Variants in UTRN observed in about 807,000 individuals in gnomAD.
The protein encoded by UTRN is utrophin, also known as dystrophin-related protein 1.
Under a neutral mutation model 463.9 loss-of-function variants are expected in UTRN, and 283 were observed. The ratio of observed to expected loss-of-function variants is 0.61; its 90% confidence interval spans 0.55 to 0.67. The LOEUF (loss-of-function observed/expected upper bound fraction) is 0.67, where lower values mean the gene tolerates loss of function less well. Among genes scored for constraint, UTRN ranks in the 30% least tolerant of loss-of-function variants. The pLI, the probability that UTRN is intolerant of heterozygous loss-of-function variation, is 0.00. For missense variants in UTRN, 3,922 were observed against 4,084.3 expected, an observed-to-expected ratio of 0.96 and a Z score of 1.08; for synonymous variants, 1,442 against 1,431.5, an observed-to-expected ratio of 1.01 and a Z score of -0.17.
At chr6:144,816,733 C>CTTTTTTTTTTTTTTTTT (rs35967778) in intron 65 of UTRN, among the ~76,000 whole-genome samples, 2 of 132,094 alleles carry the variant, frequency 1.5e-5, no homozygotes, top group East Asian at 2.2e-4. Flanking sequence ...AGCTTTTTTC[C>CTTTTTTTTTTTTTTTTT]TTTTTTTTTT....
chr6:144,451,965 T>C (rs1788364950), intron 18 of UTRN, among the ~76,000 whole-genome samples: 2 of 152,344 alleles, frequency 1.3e-5, no homozygotes, highest in Non-Finnish European at 2.9e-5. Flanking sequence ...CCGCTTTCCA[T>C]GCTTATGTGT....
intron 51 of UTRN, among the ~76,000 whole-genome samples, chr6:144,650,943 T>C (rs866821853): frequency 6.6e-6 from 1 of 152,110 alleles, no homozygotes; most frequent in South Asian, 2.1e-4. Flanking sequence ...TTACTGGTCA[T>C]TGATAAATCT....
rs753049586 is a variant in UTRN, at chr6:144,554,700, A to G, written c.6941A>G (p.Lys2314Arg). The change falls in exon 49 of 75, where the codon AAG becomes AGG. Residue 2314 changes from lysine to arginine, a missense_variant. This residue lies in a region of UTRN where 1,309 missense variants were observed against 1,452.6 expected (regional missense o/e 0.90). Transcript: ENST00000367545. ...TAITEKLERV[K>R]NQWDGTQHGV... ...ATGCTACCCTCAGTGGAAAGGGTCA[A>G]GAACCAGTGGGATGGCACCCAGCAT... 3 of 1,614,048 alleles carry G rather than the reference A, an allele frequency of 1.9e-6. No homozygotes were observed. The highest frequency in any genetic ancestry group is 2.5e-6 in the Non-Finnish European group (3 of 1,179,956).
At chr6:144,327,625 A>ATATAT (rs1776054141) in intron 2 of UTRN, among the ~76,000 whole-genome samples, 1 of 152,244 alleles carries the variant, frequency 6.6e-6, no homozygotes, top group African/African-American at 2.4e-5. Flanking sequence ...GGTTATGTGC[A>ATATAT]TATATTCACA....
chr6:144,644,423 AAAAT>A (rs1778084842), intron 51 of UTRN, among the ~76,000 whole-genome samples: 1 of 152,232 alleles, frequency 6.6e-6, no homozygotes, highest in Non-Finnish European at 1.5e-5. Flanking sequence ...TTAAGAAGTG[AAAAT>A]AAATATTTTA....
At chr6:144,374,490 T>TTG (rs1051956546) in intron 2 of UTRN, among the ~76,000 whole-genome samples, 3 of 136,964 alleles carry the variant, frequency 2.2e-5, no homozygotes, top group Non-Finnish European at 4.7e-5. Context: ...AAAAACACAA[T>TTG]TTTTTTTTTT....
intron 52 of UTRN, among the ~76,000 whole-genome samples, chr6:144,698,602 G>T (rs11155372): frequency 0.26 from 39,339 of 152,114 alleles, 5,849 homozygotes; most frequent in Admixed American, 0.44. Context: ...GCAGGATTGA[G>T]TCAAGCCCAG....
intron 9 of UTRN, among the ~76,000 whole-genome samples, chr6:144,434,340 G>A (rs538166193): frequency 6.6e-6 from 1 of 151,188 alleles, no homozygotes; most frequent in Non-Finnish European, 1.5e-5. Context: ...GTGGAAAGAG[G>A]GGAGGGGGAG....
chr6:144,845,469 C>T (rs1364525054), intron 73 of UTRN, among the ~76,000 whole-genome samples: 1 of 152,118 alleles, frequency 6.6e-6, no homozygotes, highest in Admixed American at 6.6e-5. Flanking sequence ...ATCAAAAACC[C>T]AAAACCCACT....
chr6:144,322,399 G>A (rs1056689736), intron 2 of UTRN, among the ~76,000 whole-genome samples: 2 of 152,184 alleles, frequency 1.3e-5, no homozygotes, highest in Non-Finnish European at 2.9e-5. Flanking sequence ...ACTCATCTGT[G>A]AACCTGTAGC....
intron 69 of UTRN, among the ~76,000 whole-genome samples, chr6:144,834,431 C>G (rs1446395951): frequency 6.6e-6 from 1 of 152,140 alleles, no homozygotes; most frequent in Non-Finnish European, 1.5e-5. Context: ...AAGCATAATA[C>G]CAGAACGTTC....
At chr6:144,742,702 T>C (rs142465599) in intron 54 of UTRN, among the ~76,000 whole-genome samples, 2 of 152,324 alleles carry the variant, frequency 1.3e-5, no homozygotes, top group East Asian at 3.9e-4. Flanking sequence ...AGTAGCTTTC[T>C]ATGTATTAAC....
chr6:144,768,962 T>G (rs536199714), intron 58 of UTRN, among the ~76,000 whole-genome samples: 5 of 150,666 alleles, frequency 3.3e-5, no homozygotes, highest in South Asian at 2.1e-4. Context: ...TGTTTTGTTT[T>G]TTTTTTTTTA....
intron 51 of UTRN, among the ~76,000 whole-genome samples, chr6:144,670,661 T>G (rs1301135305): frequency 1.3e-5 from 2 of 151,374 alleles, no homozygotes; most frequent in Non-Finnish European, 2.9e-5. Flanking sequence ...CTATTTATAA[T>G]TGTTTTTGTT....
chr6:144,703,332 G>A (rs1011829000), intron 53 of UTRN, among the ~76,000 whole-genome samples: 2 of 152,112 alleles, frequency 1.3e-5, no homozygotes, highest in African/African-American at 2.4e-5. Context: ...TTAAGCTGTT[G>A]GATATATAAA....
intron 10 of UTRN, among the ~76,000 whole-genome samples, 157 bp downstream of exon 10, chr6:144,436,295 C>T (rs1006071549): frequency 2.0e-5 from 3 of 152,150 alleles, no homozygotes; most frequent in African/African-American, 4.8e-5. Flanking sequence ...TGCTTTGTCA[C>T]AAAATTGGTA....
chr6:144,440,281 AC>A, intron 12 of UTRN, 70 bp from the exon 13 acceptor site: 1 of 1,530,972 alleles, frequency 6.5e-7, no homozygotes, highest in Non-Finnish European at 9.0e-7. Context: ...ATTACTATTG[AC>A]AACTGAGTGC....
At chr6:144,758,045 A>T in intron 58 of UTRN, 56 bp downstream of exon 58, 3 of 1,491,120 alleles carry the variant, frequency 2.0e-6, no homozygotes, top group Non-Finnish European at 2.8e-6. Context: ...TTTATTGATA[A>T]CTTAAGAGGC....
chr6:144,830,504 A>G (rs985698221), intron 69 of UTRN, among the ~76,000 whole-genome samples: 9 of 152,180 alleles, frequency 5.9e-5, no homozygotes, highest in Admixed American at 5.9e-4. Context: ...ATTAGATTAA[A>G]ACAAAAACAA....
Sources: gnomAD v4.1 joint callset for allele counts (sites outside exome capture counted in the v4.1 genomes callset) on GRCh38, gnomAD v4.1.1 for gene constraint, gnomAD v4.1.1 regional missense constraint, MANE v1.5 for transcripts, NCBI Gene and HGNC (gene_info 2026-07-23, HGNC 2026-07-21) for gene names.